PARD3B: variants seen among roughly 807,000 people sequenced by gnomAD.
PARD3B encodes the protein partitioning defective 3 homolog B.
PARD3B carries 103 observed loss-of-function variants against 130.2 expected under a neutral mutation model. The ratio of observed to expected loss-of-function variants is 0.79; its 90% CI spans 0.67 to 0.93. PARD3B has a LOEUF of 0.93. Ranked by LOEUF, PARD3B falls within the 40% of genes least tolerant of loss-of-function variation. The pLI is 0.00. For synonymous variants in PARD3B, 583 were observed against 553.2 expected (o/e 1.05, Z -0.76); for missense variants, 1,609 against 1,499.2 (o/e 1.07, Z -1.21).
chr2:204,632,910 T>A (rs924985257), intron 1 of PARD3B, among the ~76,000 whole-genome samples: 1 of 152,196 alleles, frequency 6.6e-6, no homozygotes, highest in Non-Finnish European at 1.5e-5. Flanking sequence ...CCTCGGTGAG[T>A]GCCACGTACA....
Position 205,321,388 on chromosome 2 carries a change from A to G in PARD3B, c.2630+19687A>G, listed in dbSNP as rs189365432. Among the ~76,000 whole-genome samples, 736 of 152,156 alleles carry G rather than the reference A, an allele frequency of 4.8e-3. 2 individuals carry two copies. Among genetic ancestry groups the G allele is most frequent in the Non-Finnish European group, 6.8e-3 (461 of 67,968 alleles). On this transcript the variant is annotated intron_variant, in intron 18 of 22. Transcript: ENST00000406610. This position sits in a 1 kb window ranked among gnomAD's most constrained non-coding sequence, Gnocchi z 4.2. ...AAAATAGCACAAAGAATTTCCTTAT[A>G]CCTTCCGCCCAGATTCCTCAGATAG...
At chr2:204,806,095 G>A (rs1459545247) in intron 2 of PARD3B, among the ~76,000 whole-genome samples, 1 of 151,308 alleles carries the variant, frequency 6.6e-6, no homozygotes, top group Non-Finnish European at 1.5e-5. Flanking sequence ...CAACCCCTGT[G>A]AAAGTGCTCA....
intron 1 of PARD3B, among the ~76,000 whole-genome samples, chr2:204,636,921 T>TAA (rs2034900378): frequency 6.6e-6 from 1 of 152,144 alleles, no homozygotes. Context: ...TATATAGACT[T>TAA]ATGGCGCTCA....
At chr2:205,485,451 A>G (rs983197930) in intron 20 of PARD3B, among the ~76,000 whole-genome samples, 3 of 152,198 alleles carry the variant, frequency 2.0e-5, no homozygotes, top group African/African-American at 4.8e-5. Flanking sequence ...GATTTTATCA[A>G]CCATTTAGCC....
rs997880462 is a variant in PARD3B, at chr2:205,563,966, G to T, written c.3260+10563G>T. Among the ~76,000 whole-genome samples the T allele has an allele frequency of 6.6e-6, 1 of 152,176 alleles. No individual in the cohort carries two copies. Among genetic ancestry groups the T allele is most frequent in the Admixed American group, 6.5e-5 (1 of 15,286 alleles). ...GAAGGAGTTAACATTTGTTGAGCCC[G>T]TATTGTGCTCCAAGAACTCTGGCAA... On this transcript the variant is annotated intron_variant, in intron 22 of 22. Coordinates refer to ENST00000406610, the MANE Select transcript of PARD3B (RefSeq NM_001302769.2). The surrounding 1 kb of genome is among the most constrained non-coding windows in gnomAD (Gnocchi z 4.2).
At position 204,897,091 on chromosome 2, in the gene PARD3B, G is replaced by C. The variant is rs560500725; in HGVS notation, c.223-68061G>C. Among the ~76,000 whole-genome samples, 46 of 152,078 alleles carry C rather than the reference G, an allele frequency of 3.0e-4. 1 individual carries two copies. Among genetic ancestry groups the C allele is most frequent in the Middle Eastern group, 3.4e-3 (1 of 294 alleles). On this transcript the variant is annotated intron_variant, in intron 2 of 22. Coordinates refer to ENST00000406610, the MANE Select transcript of PARD3B (RefSeq NM_001302769.2). ...ATTTTAAGTGTTTTTCCCTTATGTT[G>C]TTCATGGAAATATTTTTAACAAATT...
intron 4 of PARD3B, among the ~76,000 whole-genome samples, chr2:205,075,579 T>A (rs1176111155): frequency 6.6e-6 from 1 of 151,776 alleles, no homozygotes; most frequent in Non-Finnish European, 1.5e-5. Context: ...ACCTCTTTTT[T>A]AGGTTGCAAA....
chr2:205,311,827 A>G lies in PARD3B; in HGVS notation c.2630+10126A>G, dbSNP rs576606093. 5.9e-5 allele frequency among the ~76,000 whole-genome samples: 9 copies of G among 152,358 alleles called. No individual in the cohort carries two copies. In the South Asian group the frequency reaches 1.7e-3, roughly 28 times the overall value. On this transcript the variant is annotated intron_variant, in intron 18 of 22. Coordinates refer to ENST00000406610, the MANE Select transcript of PARD3B (RefSeq NM_001302769.2). ...ACCTTCTATTGCAGAATACAAATAG[A>G]AAGGGTCTCAAAAGGATAAAACAGT...
intron 5 of PARD3B, among the ~76,000 whole-genome samples, chr2:205,107,464 A>G (rs1472733266): frequency 6.6e-6 from 1 of 152,216 alleles, no homozygotes; most frequent in East Asian, 1.9e-4. Flanking sequence ...CAGACAACCG[A>G]CTTAGCACAA....
chr2:204,730,787 G>A (rs1250547446), intron 2 of PARD3B, among the ~76,000 whole-genome samples: 1 of 152,180 alleles, frequency 6.6e-6, no homozygotes, highest in Non-Finnish European at 1.5e-5. Flanking sequence ...AATTGACAGT[G>A]ATAAAACTAC....
At chr2:205,188,604 T>C (rs2036222023) in intron 14 of PARD3B, among the ~76,000 whole-genome samples, 1 of 151,644 alleles carries the variant, frequency 6.6e-6, no homozygotes, top group African/African-American at 2.4e-5. Flanking sequence ...AAGGAACAAG[T>C]CTTAAGCCTT....
chr2:204,596,860 G>C (rs1177268549), intron 1 of PARD3B, among the ~76,000 whole-genome samples: 4 of 152,120 alleles, frequency 2.6e-5, no homozygotes, highest in South Asian at 2.1e-4. Context: ...AGAGGTTGCT[G>C]TGAGGTGAGA....
chr2:204,721,512 G>A (rs1413066516), intron 2 of PARD3B, among the ~76,000 whole-genome samples: 1 of 152,104 alleles, frequency 6.6e-6, no homozygotes, highest in Non-Finnish European at 1.5e-5. Flanking sequence ...ATGAAAATGT[G>A]AGCCCAATTT....
At chr2:205,194,913 A>G (rs1046135264) in intron 15 of PARD3B, among the ~76,000 whole-genome samples, 16 of 149,366 alleles carry the variant, frequency 1.1e-4, no homozygotes, top group Middle Eastern at 3.6e-3. Context: ...CCTCGCAAGT[A>G]GCTTGGATTA....
chr2:204,671,688 G>A (rs2125208488), intron 1 of PARD3B, among the ~76,000 whole-genome samples: 1 of 152,264 alleles, frequency 6.6e-6, no homozygotes, highest in East Asian at 1.9e-4. Flanking sequence ...TTTCAGAGAA[G>A]GAATGAGATT....
chr2:205,538,698 T>C (rs568374561), intron 21 of PARD3B, among the ~76,000 whole-genome samples: 7 of 152,304 alleles, frequency 4.6e-5, no homozygotes, highest in African/African-American at 1.4e-4. Flanking sequence ...GAAGCTTCCG[T>C]TAGCTCTGTA....
chr2:204,557,475 G>A (rs138542116), intron 1 of PARD3B, among the ~76,000 whole-genome samples: 3 of 151,996 alleles, frequency 2.0e-5, no homozygotes, highest in African/African-American at 7.2e-5. Flanking sequence ...CCTCCTTATC[G>A]TCTCTACATC....
chr2:205,257,421 C>T (rs939039425), intron 16 of PARD3B, among the ~76,000 whole-genome samples: 4 of 151,482 alleles, frequency 2.6e-5, no homozygotes, highest in Non-Finnish European at 5.9e-5. Flanking sequence ...TCATGGCATG[C>T]CCTCAGTGAG....
chr2:205,173,106 G>A (rs2035269689), intron 12 of PARD3B, among the ~76,000 whole-genome samples: 1 of 152,024 alleles, frequency 6.6e-6, no homozygotes, highest in South Asian at 2.1e-4. Context: ...AGTACTGAAA[G>A]TTTAGAAAAA....
Sources: gnomAD v4.1 joint callset for allele counts (sites outside exome capture counted in the v4.1 genomes callset) on GRCh38, gnomAD v4.1.1 for gene constraint, Gnocchi (gnomAD v3.1) non-coding constraint, MANE v1.5 for transcripts, NCBI Gene and HGNC (gene_info 2026-07-23, HGNC 2026-07-21) for gene names.